ROBO1: variants seen among roughly 807,000 people sequenced by gnomAD.
The protein encoded by ROBO1 is roundabout guidance receptor 1, also known as roundabout homolog 1.
ROBO1 carries 149 observed loss-of-function variants against 195.9 expected under a neutral mutation model. The ratio of observed to expected loss-of-function variants is 0.76; its 90% CI spans 0.67 to 0.87. The LOEUF is 0.87. ROBO1 is among the 40% of genes least tolerant of loss of function. The pLI, the probability that ROBO1 is intolerant of heterozygous loss-of-function variation, is 0.00. For synonymous variants in ROBO1, 816 were observed against 733.2 expected, an observed-to-expected ratio of 1.11 and a Z score of -1.82; for missense variants, 1,933 against 2,068.3, an observed-to-expected ratio of 0.93 and a Z score of 1.27.
chr3:79,760,062 C>A (rs1301812863), intron 1 of ROBO1, among the ~76,000 whole-genome samples: 1 of 151,050 alleles, frequency 6.6e-6, no homozygotes, highest in Non-Finnish European at 1.5e-5. Context: ...TAAGGTGAAA[C>A]CCTATCTCTA....
At chr3:78,958,945 C>A (rs952094454) in intron 3 of ROBO1, among the ~76,000 whole-genome samples, 1 of 151,642 alleles carries the variant, frequency 6.6e-6, no homozygotes. Context: ...CCACCTGGGA[C>A]CACAGGTGTA....
At chr3:79,663,520 T>C (rs1054797029) in intron 1 of ROBO1, among the ~76,000 whole-genome samples, 5 of 152,048 alleles carry the variant, frequency 3.3e-5, no homozygotes, top group East Asian at 1.9e-4. Flanking sequence ...CATGTTCACT[T>C]ACTATTTTCT....
intron 3 of ROBO1, among the ~76,000 whole-genome samples, chr3:79,040,799 C>A (rs1359574635): frequency 6.6e-6 from 1 of 152,098 alleles, no homozygotes; most frequent in Non-Finnish European, 1.5e-5. Flanking sequence ...TTATCTTTTT[C>A]TTTTCAACAC....
chr3:78,748,397 A>G (rs2082709211), intron 4 of ROBO1, among the ~76,000 whole-genome samples: 1 of 152,024 alleles, frequency 6.6e-6, no homozygotes, highest in African/African-American at 2.4e-5. Context: ...GTGAGCTGAG[A>G]TCGTGCCATT....
chr3:78,752,612 A>G (rs1462777688), intron 4 of ROBO1, among the ~76,000 whole-genome samples: 1 of 152,172 alleles, frequency 6.6e-6, no homozygotes, highest in Non-Finnish European at 1.5e-5. Flanking sequence ...TATTTATTAA[A>G]TAATTTCAAA....
rs1015135345 is a variant in ROBO1, at chr3:78,653,294, G to A, written c.2615-1365C>T. 3.3e-5 allele frequency among the ~76,000 whole-genome samples: 5 copies of A among 151,790 alleles called. No individual in the cohort carries two copies. In the East Asian group the frequency reaches 8.0e-4, roughly 24 times the overall value. ...TGCCTTACATGACTGACTTACGGTG[G>A]CCACCTCCCTGTGGGATATGTAGAT... On this transcript the variant is annotated intron_variant, in intron 18 of 30. Transcript: ENST00000464233.
chr3:79,152,606 A>G (rs941359519), intron 2 of ROBO1, among the ~76,000 whole-genome samples: 2 of 151,874 alleles, frequency 1.3e-5, no homozygotes, highest in African/African-American at 4.8e-5. Context: ...ATGACTATTT[A>G]TTGTACTTCT....
At chr3:79,746,099 T>G (rs964115954) in intron 1 of ROBO1, among the ~76,000 whole-genome samples, 16 of 152,128 alleles carry the variant, frequency 1.1e-4, no homozygotes, top group African/African-American at 3.9e-4. Context: ...ATTTCTATCA[T>G]AAGTGGGATA....
At chr3:78,624,464 G>A (rs1704637970) in intron 26 of ROBO1, among the ~76,000 whole-genome samples, 1 of 152,022 alleles carries the variant, frequency 6.6e-6, no homozygotes, top group Non-Finnish European at 1.5e-5. Context: ...TCATACCTTT[G>A]AGAAAGGCTG....
chr3:79,536,181 TAC>T (rs1941854664), intron 2 of ROBO1, among the ~76,000 whole-genome samples: 1 of 152,100 alleles, frequency 6.6e-6, no homozygotes, highest in Non-Finnish European at 1.5e-5. Context: ...ACTATATATA[TAC>T]ATATATATAT....
chr3:78,642,276 C>G (rs1365485274), intron 21 of ROBO1, among the ~76,000 whole-genome samples: 2 of 152,162 alleles, frequency 1.3e-5, no homozygotes, highest in African/African-American at 4.8e-5. Flanking sequence ...AATTCCTACT[C>G]TTCTCTTGCT....
chr3:79,342,079 G>A (rs907931425), intron 2 of ROBO1, among the ~76,000 whole-genome samples: 1 of 152,166 alleles, frequency 6.6e-6, no homozygotes, highest in African/African-American at 2.4e-5. Flanking sequence ...AAGGAAGAGT[G>A]GAAAGTTGGC....
At position 79,255,351 on chromosome 3, in the gene ROBO1, T is replaced by A. The variant is rs78656653; in HGVS notation, c.89-129812A>T. ...GCCTGGACAACAGAGCAAGGCTATC[T>A]CTAAAAAAACAAAAACAACAACAAA... On this transcript the variant is annotated intron_variant, in intron 2 of 30. Transcript: ENST00000464233. Among the ~76,000 whole-genome samples the A allele has an allele frequency of 5.2e-3, 788 of 152,208 alleles. 7 individuals carry two copies. Among genetic ancestry groups the A allele is most frequent in the African/African-American group, 0.018 (751 of 41,528 alleles).
At chr3:79,517,969 G>A (rs538871410) in intron 2 of ROBO1, among the ~76,000 whole-genome samples, 2 of 152,256 alleles carry the variant, frequency 1.3e-5, no homozygotes, top group Admixed American at 6.5e-5. Context: ...CAGGGTGTTA[G>A]GGTTTATTGA....
chr3:78,620,511 C>CA (rs1045471812), intron 26 of ROBO1, among the ~76,000 whole-genome samples: 10 of 148,434 alleles, frequency 6.7e-5, no homozygotes, highest in South Asian at 2.1e-4. Flanking sequence ...GACTCCGTCT[C>CA]AAAAAAAAAG....
At chr3:79,669,001 C>G (rs1227369286) in intron 1 of ROBO1, among the ~76,000 whole-genome samples, 1 of 151,816 alleles carries the variant, frequency 6.6e-6, no homozygotes, top group Non-Finnish European at 1.5e-5. Context: ...GAGTTGAAAA[C>G]TTTCTATCAC....
intron 3 of ROBO1, among the ~76,000 whole-genome samples, chr3:79,024,682 G>A (rs1344013408): frequency 2.0e-5 from 3 of 152,152 alleles, no homozygotes; most frequent in Non-Finnish European, 4.4e-5. Context: ...ATAGTTATGA[G>A]AAATCTTGTC....
chr3:78,973,400 CT>C (rs2076811926), intron 3 of ROBO1, among the ~76,000 whole-genome samples: 1 of 138,608 alleles, frequency 7.2e-6, no homozygotes. Context: ...AATTATATAC[CT>C]TTCATATATA....
chr3:78,843,979 T>G (rs2033472538), intron 4 of ROBO1, among the ~76,000 whole-genome samples: 2 of 152,156 alleles, frequency 1.3e-5, no homozygotes, highest in African/African-American at 4.8e-5. Flanking sequence ...TACCTGCCTA[T>G]ATGTGTGTGA....
Sources: gnomAD v4.1 joint callset for allele counts (sites outside exome capture counted in the v4.1 genomes callset) on GRCh38, gnomAD v4.1.1 for gene constraint, MANE v1.5 for transcripts, NCBI Gene and HGNC (gene_info 2026-07-23, HGNC 2026-07-21) for gene names.